PTPRD: variants seen among roughly 807,000 people sequenced by gnomAD.
PTPRD encodes the protein protein tyrosine phosphatase receptor type D, also known as receptor-type tyrosine-protein phosphatase delta.
A neutral mutation model predicts 214.5 loss-of-function variants in PTPRD; 34 were observed. The observed-to-expected ratio is 0.16, with a 90% CI of 0.12 to 0.21. The LOEUF is 0.21. Among genes scored for constraint, PTPRD ranks in the 10% least tolerant of loss-of-function variants. The probability of loss-of-function intolerance (pLI) is 1.00; values close to 1 mark genes in which losing one functional copy is unlikely to be tolerated. For missense variants in PTPRD, 2,545 were observed against 2,398.7 expected (o/e 1.06, Z -1.27); for synonymous variants, 1,128 against 845.7 (o/e 1.33, Z -5.79).
intron 2 of PTPRD, among the ~76,000 whole-genome samples, chr9:10,470,395 G>A (rs1189307406): frequency 6.6e-6 from 1 of 152,000 alleles, no homozygotes; most frequent in Non-Finnish European, 1.5e-5. Context: ...CATAGTAAAT[G>A]GATTTCAATG....
chr9:10,204,060 T>C (rs1460481958), intron 3 of PTPRD, among the ~76,000 whole-genome samples: 1 of 152,148 alleles, frequency 6.6e-6, no homozygotes, highest in South Asian at 2.1e-4. Flanking sequence ...TGTTTTCCAA[T>C]CTACCAGCTT....
At chr9:8,545,175 C>T (rs923708053) in intron 14 of PTPRD, among the ~76,000 whole-genome samples, 1 of 152,074 alleles carries the variant, frequency 6.6e-6, no homozygotes, top group Non-Finnish European at 1.5e-5. Context: ...TTTTACTCTC[C>T]AGAAATAATT....
At chr9:10,024,678 G>T (rs998466948) in intron 4 of PTPRD, among the ~76,000 whole-genome samples, 1 of 150,716 alleles carries the variant, frequency 6.6e-6, no homozygotes, top group African/African-American at 2.4e-5. Flanking sequence ...TGTGCACAAC[G>T]TGCAGGTTTG....
At chr9:8,740,233 GTAGAAA>G (rs1410108935) in intron 11 of PTPRD, among the ~76,000 whole-genome samples, 1 of 152,090 alleles carries the variant, frequency 6.6e-6, no homozygotes, top group Non-Finnish European at 1.5e-5. Context: ...AAATATCCAA[GTAGAAA>G]TAGTGTTAAC....
At chr9:9,827,172 G>T (rs1390484315) in intron 5 of PTPRD, among the ~76,000 whole-genome samples, 1 of 151,834 alleles carries the variant, frequency 6.6e-6, no homozygotes, top group Admixed American at 6.6e-5. Flanking sequence ...AGTTCATATG[G>T]AACCAAAAAA....
At chr9:8,565,603 T>C (rs546205448) in intron 14 of PTPRD, among the ~76,000 whole-genome samples, 5 of 152,240 alleles carry the variant, frequency 3.3e-5, no homozygotes, top group African/African-American at 1.2e-4. Context: ...GGAAATACCA[T>C]ACTTGACATA....
At chr9:9,458,060 A>C (rs2093259251) in intron 8 of PTPRD, among the ~76,000 whole-genome samples, 1 of 152,116 alleles carries the variant, frequency 6.6e-6, no homozygotes, top group East Asian at 1.9e-4. Context: ...ATGCTTTGAA[A>C]GCAGTTACTG....
chr9:9,787,305 G>A (rs752446918), intron 5 of PTPRD, among the ~76,000 whole-genome samples: 1 of 150,944 alleles, frequency 6.6e-6, no homozygotes, highest in Non-Finnish European at 1.5e-5. Context: ...ACCTCACCAA[G>A]CTCAAAATCT....
intron 43 of PTPRD, among the ~76,000 whole-genome samples, chr9:8,335,539 A>G (rs1208833870): frequency 2.0e-5 from 3 of 152,134 alleles, no homozygotes; most frequent in East Asian, 3.8e-4. Flanking sequence ...CACTGTCATA[A>G]CGAATGGGCA....
chr9:10,027,636 C>G (rs1214542262), intron 4 of PTPRD, among the ~76,000 whole-genome samples: 1 of 152,102 alleles, frequency 6.6e-6, no homozygotes, highest in Non-Finnish European at 1.5e-5. Flanking sequence ...CTCCTTTATA[C>G]TGCCTATTGA....
chr9:9,369,183 C>T (rs1233670857), intron 9 of PTPRD, among the ~76,000 whole-genome samples: 2 of 152,024 alleles, frequency 1.3e-5, no homozygotes, highest in Non-Finnish European at 2.9e-5. Flanking sequence ...TGAGTTGGTT[C>T]CAAGTCTTCC....
Position 10,319,285 on chromosome 9 carries a change from TCTC to T in PTPRD, c.-545+21675_-545+21677del, listed in dbSNP as rs895476682. On this transcript the variant is annotated intron_variant, in intron 3 of 45. Transcript: ENST00000381196. ...TGCAAACAACTGCACTTAACAGTCT[TCTC>T]CTCTGCAGATGACTTAGTGCTCATT... 4.0e-4 allele frequency among the ~76,000 whole-genome samples: 61 copies of T among 152,190 alleles called. 1 individual carries two copies. The highest frequency in any genetic ancestry group is 1.4e-3 in the African/African-American group (59 of 41,556).
intron 33 of PTPRD, among the ~76,000 whole-genome samples, chr9:8,455,465 T>G (rs1210259725): frequency 1.3e-5 from 2 of 152,172 alleles, no homozygotes; most frequent in Non-Finnish European, 2.9e-5. Context: ...TCTAAAAATC[T>G]TCACTTTGAG....
intron 2 of PTPRD, among the ~76,000 whole-genome samples, chr9:10,436,835 C>G (rs1244570162): frequency 1.3e-5 from 2 of 151,826 alleles, no homozygotes; most frequent in East Asian, 1.9e-4. Context: ...TGGAGGAGAA[C>G]TAACGCCTGA....
intron 3 of PTPRD, among the ~76,000 whole-genome samples, chr9:10,333,569 T>C (rs770694396): frequency 7.2e-5 from 11 of 151,790 alleles, no homozygotes; most frequent in Non-Finnish European, 1.3e-4. Context: ...GGTTTGAGAA[T>C]ATGGAAAGGC....
intron 39 of PTPRD, among the ~76,000 whole-genome samples, chr9:8,347,216 C>CAGAG (rs1026092558): frequency 1.3e-5 from 2 of 151,928 alleles, no homozygotes; most frequent in African/African-American, 4.8e-5. Flanking sequence ...TTTTTCTCCC[C>CAGAG]AGAGAGCAGG....
intron 3 of PTPRD, among the ~76,000 whole-genome samples, chr9:10,251,425 G>A (rs924316630): frequency 1.3e-5 from 2 of 150,720 alleles, no homozygotes; most frequent in African/African-American, 4.9e-5. Flanking sequence ...TTTTTTCCTA[G>A]TGAGTAGGAT....
intron 5 of PTPRD, among the ~76,000 whole-genome samples, chr9:9,792,362 T>C (rs191389233): frequency 6.6e-6 from 1 of 152,246 alleles, no homozygotes; most frequent in Non-Finnish European, 1.5e-5. Flanking sequence ...AAAGGAAGGG[T>C]AGAAGGAAGC....
chr9:9,037,539 G>A lies in PTPRD; in HGVS notation c.-142-18804C>T, dbSNP rs75428535. Among the ~76,000 whole-genome samples, 72 of 152,194 alleles carry A rather than the reference G, an allele frequency of 4.7e-4. No homozygotes were observed. In the East Asian group the frequency reaches 0.013, roughly 27 times the overall value. ...TTACATGGTAAAACTTCCGTGCTGT[G>A]CTCTAAAAATTACTCTCTCAACCGC... On this transcript the variant is annotated intron_variant, in intron 10 of 45. Transcript: ENST00000381196.
Sources: gnomAD v4.1 joint callset for allele counts (sites outside exome capture counted in the v4.1 genomes callset) on GRCh38, gnomAD v4.1.1 for gene constraint, MANE v1.5 for transcripts, NCBI Gene and HGNC (gene_info 2026-07-23, HGNC 2026-07-21) for gene names.